TRMT11: variants seen among roughly 807,000 people sequenced by gnomAD.
TRMT11 encodes the protein tRNA (guanine(10)-N(2))-methyltransferase TRMT11.
In TRMT11, 53 loss-of-function variants were observed where a neutral mutation model predicts 62.8. The ratio of observed to expected loss-of-function variants is 0.84; its 90% confidence interval spans 0.68 to 1.06. The LOEUF (loss-of-function observed/expected upper bound fraction) is 1.06, where lower values mean the gene tolerates loss of function less well. Among genes scored for constraint, TRMT11 ranks in the 50% least tolerant of loss-of-function variants. The probability of loss-of-function intolerance (pLI) is 0.00; values close to 1 mark genes in which losing one functional copy is unlikely to be tolerated. For synonymous variants in TRMT11, 188 were observed against 190.3 expected, an observed-to-expected ratio of 0.99 and a Z score of 0.10; for missense variants, 556 against 553.4, an observed-to-expected ratio of 1.00 and a Z score of -0.05.
At chr6:126,078,435 T>C (rs1777082725) in intron 17 of TRMT11, among the ~76,000 whole-genome samples, 1 of 152,138 alleles carries the variant, frequency 6.6e-6, no homozygotes, top group African/African-American at 2.4e-5. Flanking sequence ...GCATTTTTTT[T>C]CTTCCGTTCC....
chr6:126,086,566 CCCTG>C (rs1382358020), intron 17 of TRMT11, among the ~76,000 whole-genome samples: 1 of 152,182 alleles, frequency 6.6e-6, no homozygotes, highest in Non-Finnish European at 1.5e-5. Flanking sequence ...CATCCCGTCT[CCCTG>C]CCTTCAGTCC....
intron 1 of TRMT11, among the ~76,000 whole-genome samples, chr6:125,992,132 A>G (rs1401523643): frequency 2.6e-5 from 4 of 152,194 alleles, no homozygotes; most frequent in African/African-American, 9.6e-5. Context: ...TGGTTTAAAC[A>G]TGTTTTGCTT....
At chr6:126,073,597 T>G (rs1051490626) in intron 17 of TRMT11, among the ~76,000 whole-genome samples, 1 of 152,156 alleles carries the variant, frequency 6.6e-6, no homozygotes, top group African/African-American at 2.4e-5. Flanking sequence ...ATCAAACAAT[T>G]CATGTGACAT....
At chr6:125,995,191 A>G (rs1791298479) in intron 2 of TRMT11, among the ~76,000 whole-genome samples, 1 of 152,354 alleles carries the variant, frequency 6.6e-6, no homozygotes, top group Admixed American at 6.5e-5. Context: ...TTCTTGCAAA[A>G]GATGAAAGAG....
At chr6:126,158,888 C>T (rs1778155533) in intron 21 of TRMT11, among the ~76,000 whole-genome samples, 1 of 152,158 alleles carries the variant, frequency 6.6e-6, no homozygotes, top group Admixed American at 6.6e-5. Flanking sequence ...TCTCAGCTAC[C>T]ACGTGGCATC....
chr6:126,193,381 G>A (rs1388523593), intron 1 of TRMT11, among the ~76,000 whole-genome samples: 2 of 149,598 alleles, frequency 1.3e-5, no homozygotes, highest in African/African-American at 4.9e-5. Context: ...ATTTATTTCT[G>A]CTCTGATCTC....
At chr6:126,079,744 A>G (rs1777117105) in intron 17 of TRMT11, among the ~76,000 whole-genome samples, 2 of 152,190 alleles carry the variant, frequency 1.3e-5, no homozygotes, top group South Asian at 4.1e-4. Context: ...AGAAAAAAAA[A>G]AGATTTTGAA....
chr6:126,149,909 A>C (rs905934764), intron 21 of TRMT11, among the ~76,000 whole-genome samples: 1 of 152,142 alleles, frequency 6.6e-6, no homozygotes, highest in Non-Finnish European at 1.5e-5. Context: ...TATTAGTATG[A>C]CTATATTTTG....
At chr6:126,029,347 C>CA (rs1773771115) in intron 12 of TRMT11, among the ~76,000 whole-genome samples, 1 of 152,120 alleles carries the variant, frequency 6.6e-6, no homozygotes, top group African/African-American at 2.4e-5. Context: ...AGTAATGCAG[C>CA]ACTCCAGAAG....
intron 12 of TRMT11, among the ~76,000 whole-genome samples, chr6:126,021,596 A>G (rs1173552641): frequency 1.3e-5 from 2 of 152,224 alleles, no homozygotes; most frequent in African/African-American, 4.8e-5. Flanking sequence ...CTAATTAGCA[A>G]TGTCCTAGTT....
At chr6:126,145,621 A>G (rs1397902532) in intron 21 of TRMT11, among the ~76,000 whole-genome samples, 4 of 152,078 alleles carry the variant, frequency 2.6e-5, no homozygotes, top group African/African-American at 9.7e-5. Flanking sequence ...GGAGAGGGGG[A>G]GAGAAGGTCA....
intron 16 of TRMT11, among the ~76,000 whole-genome samples, chr6:126,052,757 A>G (rs571381252): frequency 8.5e-5 from 13 of 152,354 alleles, no homozygotes; most frequent in African/African-American, 3.1e-4. Context: ...ACCAAAATAA[A>G]TGAACAAAGA....
chr6:126,203,029 A>C (rs926613373), downstream of TRMT11, among the ~76,000 whole-genome samples: 1 of 152,194 alleles, frequency 6.6e-6, no homozygotes, highest in Non-Finnish European at 1.5e-5. Context: ...CAAAGTATGA[A>C]TTTCTGAGAA....
At chr6:126,119,482 A>T (rs1185476074) in intron 21 of TRMT11, among the ~76,000 whole-genome samples, 4 of 37,340 alleles carry the variant, frequency 1.1e-4, no homozygotes, top group African/African-American at 1.8e-4. Context: ...TTCTTTGATA[A>T]AAAAAAAAAA....
At chr6:126,109,137 A>T (rs1466167887) in intron 17 of TRMT11, among the ~76,000 whole-genome samples, 1 of 152,192 alleles carries the variant, frequency 6.6e-6, no homozygotes, top group Non-Finnish European at 1.5e-5. Flanking sequence ...AAGAAAAAGT[A>T]AATTCTCATA....
rs573507266 is a variant in TRMT11 at position 126,191,659 on chromosome 6, A to G, written n.144-7140A>G. Among the ~76,000 whole-genome samples, 20 of 151,972 alleles carry G rather than the reference A, an allele frequency of 1.3e-4. No individual in the cohort carries two copies. In the East Asian group the frequency reaches 2.5e-3, roughly 19 times the overall value. Reference sequence around the variant, plus strand: ...ATGGGTATTTAGTTCCTTCTTCTGCATGTAGATATCTAATTTTCCCAGAAC... The same window carrying G: ...ATGGGTATTTAGTTCCTTCTTCTGCGTGTAGATATCTAATTTTCCCAGAAC... On this transcript the variant is annotated intron_variant and non_coding_transcript_variant, in intron 1 of 3. Coordinates refer to the TRMT11 transcript ENST00000444229.
chr6:126,045,354 G>T (rs1242552706), intron 16 of TRMT11, among the ~76,000 whole-genome samples: 1 of 152,148 alleles, frequency 6.6e-6, no homozygotes. Flanking sequence ...GATGGTTTTT[G>T]ATCATGAGGA....
At chr6:126,081,185 G>A (rs75161450) in intron 17 of TRMT11, among the ~76,000 whole-genome samples, 25 of 152,230 alleles carry the variant, frequency 1.6e-4, no homozygotes, top group African/African-American at 5.8e-4. Context: ...CCAAAAAATG[G>A]TATCTTTACT....
rs1458014458 is a variant in TRMT11, at chr6:126,186,584, A to C, written n.143+9249A>C. On this transcript the variant is annotated intron_variant and non_coding_transcript_variant, in intron 1 of 3. Coordinates refer to the TRMT11 transcript ENST00000444229. Reference sequence around the variant, plus strand: ...AAATTACAATTAAATATTACCTAGGAAAATTGCTGTTTTAATTATATTGAC... The same window carrying C: ...AAATTACAATTAAATATTACCTAGGCAAATTGCTGTTTTAATTATATTGAC... Among the ~76,000 whole-genome samples the C allele has an allele frequency of 2.0e-5, 3 of 152,268 alleles. No homozygotes were observed. The East Asian group carries it at 5.8e-4, about 29-fold the overall frequency.
Sources: gnomAD v4.1 joint callset for allele counts (sites outside exome capture counted in the v4.1 genomes callset) on GRCh38, gnomAD v4.1.1 for gene constraint, MANE v1.5 for transcripts, NCBI Gene and HGNC (gene_info 2026-07-23, HGNC 2026-07-21) for gene names.